TOPBP1: variants seen among roughly 807,000 people sequenced by gnomAD.
The protein encoded by TOPBP1 is DNA topoisomerase II binding protein 1.
Under a neutral mutation model 167.7 loss-of-function variants are expected in TOPBP1, and 28 were observed. The ratio of observed to expected loss-of-function variants is 0.17; its 90% confidence interval spans 0.12 to 0.23. TOPBP1 has a LOEUF of 0.23. Among genes scored for constraint, TOPBP1 ranks in the 10% least tolerant of loss-of-function variants. TOPBP1 has a pLI of 1.00. For synonymous variants in TOPBP1, 598 were observed against 611.4 expected (o/e 0.98, Z 0.32); for missense variants, 1,554 against 1,809.6 (o/e 0.86, Z 2.56).
Position 133,623,398 on chromosome 3 carries a change from T to A in TOPBP1, c.2988A>T (p.Lys996Asn), listed in dbSNP as rs2107788020. The change falls in exon 18 of 28, where the codon AAA becomes AAT. Residue 996 changes from lysine to asparagine, a missense_variant. By Grantham distance (94) the Lys-to-Asn change is moderately conservative. Coordinates refer to ENST00000260810, the MANE Select transcript of TOPBP1 (RefSeq NM_007027.4). ...ESLYPHTYNP[K>N]MSLDISAVQD... ...GCACTGCGCTGATATCCAAGCTCAT[T>A]TTGGGATTATAAGTATGTGGATAAA... 6.2e-7 allele frequency: 1 copy of A among 1,613,162 alleles called. No individual in the cohort carries two copies. Among genetic ancestry groups the A allele is most frequent in the East Asian group, 2.2e-5 (1 of 44,828 alleles).
chr3:133,654,921 T>C (rs564862290), intron 6 of TOPBP1, among the ~76,000 whole-genome samples: 2 of 152,026 alleles, frequency 1.3e-5, no homozygotes, highest in Non-Finnish European at 2.9e-5. Flanking sequence ...AAATATTAAA[T>C]ATTAGTGGCT....
chr3:133,632,553 C>T (rs1159795138), intron 14 of TOPBP1, among the ~76,000 whole-genome samples: 1 of 152,106 alleles, frequency 6.6e-6, no homozygotes, highest in Non-Finnish European at 1.5e-5. Context: ...ATATGCTAAA[C>T]TTTTTAAAAT....
intron 2 of TOPBP1, 140 bp from the exon 3 acceptor site, chr3:133,659,290 C>A: frequency 1.2e-6 from 1 of 800,668 alleles, no homozygotes; most frequent in Non-Finnish European, 1.9e-6. Flanking sequence ...AGAAGGCTCC[C>A]AAGTGGTCTC....
chr3:133,601,282 T>C lies in TOPBP1; in HGVS notation c.4537A>G (p.Lys1513Glu). ...ACTCTAGGTCGTTTGATTTTATTTT[T>C]TTCTGTAGGAGCTTTCCTCTTTTGT... ...LSQKRKAPTE[K>E]NKIKRPRVH The change falls in exon 28 of 28, where the codon AAA (lysine) becomes GAA (glutamate). Residue 1513 changes from lysine to glutamate, a missense_variant. Coordinates refer to ENST00000260810, the MANE Select transcript of TOPBP1 (RefSeq NM_007027.4). The C allele has an allele frequency of 2.5e-6, 4 of 1,606,440 alleles. No homozygotes were observed. The highest frequency in any genetic ancestry group is 3.4e-6 in the Non-Finnish European group (4 of 1,177,956).
chr3:133,622,117 T>C (rs10512905), intron 19 of TOPBP1, among the ~76,000 whole-genome samples: 2,478 of 148,256 alleles, frequency 0.017, 69 homozygotes, highest in African/African-American at 0.059. Flanking sequence ...TCTACTGATA[T>C]AAAACACTAC....
chr3:133,613,464 A>G (rs955188281), intron 23 of TOPBP1, among the ~76,000 whole-genome samples: 1 of 152,226 alleles, frequency 6.6e-6, no homozygotes, highest in African/African-American at 2.4e-5. Flanking sequence ...CAAGCACCGA[A>G]TATGGGTAAC....
chr3:133,611,809 A>G (rs572092124), intron 24 of TOPBP1, among the ~76,000 whole-genome samples: 3 of 152,308 alleles, frequency 2.0e-5, no homozygotes, highest in African/African-American at 7.2e-5. Context: ...CTTTAGAGAC[A>G]GGGTCTTGAT....
At chr3:133,613,872 C>A (rs368952192) in intron 23 of TOPBP1, among the ~76,000 whole-genome samples, 2 of 150,612 alleles carry the variant, frequency 1.3e-5, no homozygotes, top group South Asian at 4.2e-4. Flanking sequence ...CGACTCACTG[C>A]AACCTCTGCT....
intron 10 of TOPBP1, among the ~76,000 whole-genome samples, chr3:133,647,840 T>C (rs1281238369): frequency 6.6e-6 from 1 of 151,930 alleles, no homozygotes; most frequent in Non-Finnish European, 1.5e-5. Flanking sequence ...TTACACATAA[T>C]AAATCACAGA....
rs1350225135 is a variant in TOPBP1 at position 133,659,076 on chromosome 3, A to G, written c.159T>C (p.Asn53=). The G allele has an allele frequency of 6.3e-7, 1 of 1,593,802 alleles. No homozygotes were observed. Among genetic ancestry groups the G allele is most frequent in the Admixed American group, 1.8e-5 (1 of 56,568 alleles). The change falls in exon 3 of 28, where the codon AAT becomes AAC. Residue 53 remains asparagine (N), a synonymous_variant. Transcript: ENST00000260810. The part of the protein sequence containing the change: ...TEEEALKIKE[N]DRSLYICDPF... Reference sequence around the variant, plus strand: ...GGTCACAGATATAAAGTGATCTATCATTCTCCTTTATCTTCAATGCCTCTT... The same window carrying G: ...GGTCACAGATATAAAGTGATCTATCGTTCTCCTTTATCTTCAATGCCTCTT...
At chr3:133,655,592 AT>A (rs1936453779) in intron 5 of TOPBP1, 106 bp from the exon 6 acceptor site, 2 of 631,590 alleles carry the variant, frequency 3.2e-6, no homozygotes, top group African/African-American at 3.8e-5. Flanking sequence ...AGGATTTATA[AT>A]CTTTTTTTTA....
chr3:133,660,943 G>T, intron 2 of TOPBP1, 101 bp downstream of exon 2: 1 of 818,038 alleles, frequency 1.2e-6, no homozygotes, highest in Non-Finnish European at 1.9e-6. Flanking sequence ...AAATTATTAT[G>T]AAAGTGAAAT....
intron 6 of TOPBP1, 112 bp from the exon 7 acceptor site, chr3:133,653,636 T>A: frequency 9.4e-7 from 1 of 1,065,642 alleles, no homozygotes; most frequent in Non-Finnish European, 1.3e-6. Context: ...AATATTTTTT[T>A]TTTTTTTTTG....
rs1412627850 is a variant in TOPBP1 at position 133,620,136 on chromosome 3, A to G, written c.3371+19T>C. 6.3e-7 allele frequency: 1 copy of G among 1,582,146 alleles called. No homozygotes were observed. The highest frequency in any genetic ancestry group is 8.6e-7 in the Non-Finnish European group (1 of 1,163,438). On this transcript the variant is annotated intron_variant, in intron 20 of 27. Transcript: ENST00000260810. ...TCTCAAGTCATCTAGTCTTTCTGCC[A>G]TCAGTGACAGGTACACACCTCAGTG...
At chr3:133,642,514 C>A (rs920849686) in intron 12 of TOPBP1, among the ~76,000 whole-genome samples, 1 of 152,070 alleles carries the variant, frequency 6.6e-6, no homozygotes, top group Non-Finnish European at 1.5e-5. Flanking sequence ...TATAGTTTAA[C>A]GTGTTATTCT....
chr3:133,624,951 C>T (rs114824478), intron 16 of TOPBP1, among the ~76,000 whole-genome samples: 2,202 of 152,132 alleles, frequency 0.014, 27 homozygotes, highest in Non-Finnish European at 0.018. Flanking sequence ...CTATGATCTC[C>T]CAATTCTTCC....
rs755511391 is a variant in TOPBP1, at chr3:133,644,014, T to C, written c.1848+6A>G. 12 of 1,586,288 alleles carry C rather than the reference T, an allele frequency of 7.6e-6. 1 individual carries two copies. Among genetic ancestry groups the C allele is most frequent in the South Asian group, 7.0e-5 (6 of 86,270 alleles). On this transcript the variant is annotated splice_donor_region_variant and intron_variant, in intron 11 of 27. Coordinates refer to ENST00000260810, the MANE Select transcript of TOPBP1 (RefSeq NM_007027.4). ...TACTTTATTTCAACCACTAGTGTTG[T>C]CTTACCAGCCATGTATTTGTAACAA...
chr3:133,625,053 A>C (rs1239549260), intron 16 of TOPBP1, among the ~76,000 whole-genome samples: 1 of 151,964 alleles, frequency 6.6e-6, no homozygotes, highest in Non-Finnish European at 1.5e-5. Flanking sequence ...TGCAATCTCC[A>C]CCTCCCGGGT....
chr3:133,630,331 C>G (rs559490709), intron 14 of TOPBP1, among the ~76,000 whole-genome samples: 13 of 148,732 alleles, frequency 8.7e-5, no homozygotes, highest in African/African-American at 3.2e-4. Context: ...TGGAGTCCTG[C>G]TTTGTCACCC....
Sources: allele counts gnomAD v4.1 joint callset (sites outside exome capture counted in the v4.1 genomes callset), GRCh38; gene constraint gnomAD v4.1.1; transcripts MANE v1.5; gene names NCBI Gene and HGNC (gene_info 2026-07-23, HGNC 2026-07-21).